The following DOCK9 variants were observed in gnomAD, a reference collection of about 807,000 sequenced individuals.
DOCK9 encodes dedicator of cytokinesis 9.
DOCK9 carries 89 observed loss-of-function variants against 263.3 expected under a neutral mutation model. That is an observed-to-expected ratio of 0.34 (90% CI 0.28 to 0.40). The LOEUF (loss-of-function observed/expected upper bound fraction) is 0.40. DOCK9 is among the 10% of genes least tolerant of loss of function. The pLI, the probability that DOCK9 is intolerant of heterozygous loss-of-function variation, is 1.00. For synonymous variants in DOCK9, 976 were observed against 973.1 expected (o/e 1.00, Z -0.06); for missense variants, 2,140 against 2,603.4 (o/e 0.82, Z 3.87).
rs181643490 is a variant in DOCK9, at chr13:99,021,556, G to A, written c.129+64667C>T. 4.2e-4 allele frequency among the ~76,000 whole-genome samples: 64 copies of A among 151,172 alleles called. No homozygotes were observed. In the East Asian group the frequency reaches 0.011, roughly 27 times the overall value. ...CGGGAGGCTGAGACAGGAGAATGGCGTGAACCCGGAAGGCAGAGCTTGCAG... is the reference window on the plus strand; with the variant it reads ...CGGGAGGCTGAGACAGGAGAATGGCATGAACCCGGAAGGCAGAGCTTGCAG... On this transcript the variant is annotated intron_variant, in intron 1 of 32. Transcript: ENST00000427887.
chr13:98,904,823 C>T (rs367794859), intron 9 of DOCK9, 117 bp from the exon 10 acceptor site: 123 of 836,388 alleles, frequency 1.5e-4, no homozygotes, highest in Non-Finnish European at 2.0e-4. Context: ...AGCTCTGCCT[C>T]GTGTTGGAGA....
chr13:98,995,112 G>A (rs534235624), intron 1 of DOCK9, among the ~76,000 whole-genome samples: 1 of 152,302 alleles, frequency 6.6e-6, no homozygotes, highest in Non-Finnish European at 1.5e-5. Flanking sequence ...CACATGTGCA[G>A]GCCCATCAGT....
At chr13:98,843,666 C>G (rs2093298425) in intron 38 of DOCK9, among the ~76,000 whole-genome samples, 1 of 152,116 alleles carries the variant, frequency 6.6e-6, no homozygotes, top group African/African-American at 2.4e-5. Context: ...GGACAGTATG[C>G]CACTGAAAAC....
chr13:98,922,274 C>T, intron 5 of DOCK9, 128 bp from the exon 6 acceptor site: 1 of 592,412 alleles, frequency 1.7e-6, no homozygotes, highest in East Asian at 2.9e-5. Context: ...CTGAAGCACC[C>T]ATTGACACCA....
chr13:99,058,474 T>C (rs942918079), intron 1 of DOCK9, among the ~76,000 whole-genome samples: 13 of 152,134 alleles, frequency 8.5e-5, no homozygotes, highest in African/African-American at 1.7e-4. Context: ...GAGTACTTGA[T>C]ATCTTGATAC....
At chr13:98,913,277 T>C (rs9300522) in intron 9 of DOCK9, among the ~76,000 whole-genome samples, 105,917 of 151,954 alleles carry the variant, frequency 0.7, 37,236 homozygotes, top group Middle Eastern at 0.81. Context: ...TTCACTCTAG[T>C]ATCAAAAAAG....
intron 1 of DOCK9, among the ~76,000 whole-genome samples, chr13:98,960,422 A>G (rs1260952561): frequency 1.3e-5 from 2 of 152,200 alleles, no homozygotes; most frequent in African/African-American, 4.8e-5. Flanking sequence ...TATAGTGTAT[A>G]AAAATCTAAC....
At chr13:98,985,967 T>C (rs1157430831) in intron 1 of DOCK9, among the ~76,000 whole-genome samples, 1 of 152,246 alleles carries the variant, frequency 6.6e-6, no homozygotes, top group Non-Finnish European at 1.5e-5. Flanking sequence ...ATTTTCTCAC[T>C]TTCCTCACTA....
chr13:98,878,622 G>A (rs2044244720), intron 27 of DOCK9, among the ~76,000 whole-genome samples: 1 of 152,218 alleles, frequency 6.6e-6, no homozygotes, highest in Non-Finnish European at 1.5e-5. Context: ...AGGCTGCTCT[G>A]GCATGATTTA....
intron 1 of DOCK9, chr13:99,015,867 T>A: frequency 4.4e-6 from 4 of 918,528 alleles, no homozygotes; most frequent in Admixed American, 9.3e-5. Flanking sequence ...ACCAAACCTT[T>A]AAAGTATCGT....
At position 98,867,976 on chromosome 13, in the gene DOCK9, G is replaced by A. The variant is rs1287351686; in HGVS notation, c.3126C>T (p.Phe1042=). 8.1e-6 allele frequency: 13 copies of A among 1,613,742 alleles called. No homozygotes were observed. Among genetic ancestry groups the A allele is most frequent in the African/African-American group, 1.3e-5 (1 of 75,052 alleles). ...AGCTAATGTAGTTGTTGATCTGCTT[G>A]AAGACAAAGCCCCTGTCCATGAAGG... The part of the protein sequence containing the change: ...CFTFMDRGFV[F]KQINNYISCF... Residue 1042 remains phenylalanine, a synonymous_variant, in exon 29 of 53, where the codon TTC becomes TTT. Coordinates refer to ENST00000682017, the MANE Select transcript of DOCK9 (RefSeq NM_001366683.2).
Position 98,856,564 on chromosome 13 carries a change from T to C in DOCK9, c.3698-533A>G, listed in dbSNP as rs909722890. 5 of 152,640 alleles carry C rather than the reference T, an allele frequency of 3.3e-5. 1 individual carries two copies. The highest frequency in any genetic ancestry group is 1.2e-4 in the African/African-American group (5 of 41,426). 9.5% of individuals were successfully genotyped at this position (152,640 alleles called of 1,614,324 possible). On this transcript the variant is annotated intron_variant, in intron 33 of 52. Coordinates refer to ENST00000682017, the MANE Select transcript of DOCK9 (RefSeq NM_001366683.2). Reference sequence around the variant, plus strand: ...GAAGACATATTTGTGAAGCTGGGTATTTGGGGGCCTGCTATGATAAAAGGC... The same window carrying C: ...GAAGACATATTTGTGAAGCTGGGTACTTGGGGGCCTGCTATGATAAAAGGC...
At chr13:98,981,912 T>C (rs149011437), upstream of DOCK9, among the ~76,000 whole-genome samples, 627 of 152,316 alleles carry the variant, frequency 4.1e-3, 4 homozygotes, top group African/African-American at 0.015. Context: ...CTTTCCAACA[T>C]TTCAAACAAC....
intron 2 of DOCK9, among the ~76,000 whole-genome samples, chr13:98,933,414 G>C (rs1299785003): frequency 6.6e-6 from 1 of 151,684 alleles, no homozygotes; most frequent in Non-Finnish European, 1.5e-5. Flanking sequence ...ACAGAATCCT[G>C]AATTTTTTTT....
Position 98,920,956 on chromosome 13 carries a change from G to T in DOCK9, c.715C>A (p.Gln239Lys). The T allele has an allele frequency of 6.2e-7, 1 of 1,602,008 alleles. No homozygotes were observed. ...GGTAAAACTCTTTTCATATTTACCT[G>T]AACGACACCCATACAGGAATCCAGA... ...IFLDSCMGVV[Q>K]NNKVRRFAFE... The change falls in exon 7 of 53, where the codon CAG becomes AAG. Residue 239 changes from glutamine (Q) to lysine (K), a missense_variant and splice_region_variant. Physicochemically the swap from Gln to Lys is moderately conservative, Grantham distance 53. Coordinates refer to ENST00000682017, the MANE Select transcript of DOCK9 (RefSeq NM_001366683.2).
intron 8 of DOCK9, 89 bp from the exon 9 acceptor site, chr13:98,914,484 C>T (rs1453115369): frequency 1.1e-5 from 12 of 1,135,908 alleles, no homozygotes; most frequent in South Asian, 1.4e-5. Context: ...CTCTTAGGTG[C>T]CTTCAAATGA....
intron 2 of DOCK9, among the ~76,000 whole-genome samples, chr13:98,944,575 T>TG (rs1405184910): frequency 6.6e-6 from 1 of 152,200 alleles, no homozygotes; most frequent in Non-Finnish European, 1.5e-5. Flanking sequence ...TCCATGTGTG[T>TG]GTCCTGCTCC....
At chr13:98,826,356 A>G (rs2092536489) in intron 44 of DOCK9, among the ~76,000 whole-genome samples, 1 of 152,208 alleles carries the variant, frequency 6.6e-6, no homozygotes, top group Non-Finnish European at 1.5e-5. Context: ...TGCACAAATG[A>G]AGCGTCACTC....
intron 1 of DOCK9, among the ~76,000 whole-genome samples, chr13:98,993,960 A>G (rs1880410567): frequency 6.6e-6 from 1 of 152,226 alleles, no homozygotes. Context: ...CCTTAGTATC[A>G]TCAAGTTGTA....
Sources: allele counts gnomAD v4.1 joint callset (sites outside exome capture counted in the v4.1 genomes callset), GRCh38; gene constraint gnomAD v4.1.1; transcripts MANE v1.5; gene names NCBI Gene and HGNC (gene_info 2026-07-23, HGNC 2026-07-21).